Variants in DHRS12 observed in about 807,000 individuals in gnomAD.
DHRS12 encodes the protein dehydrogenase/reductase SDR family member 12.
A neutral mutation model predicts 32.1 loss-of-function variants in DHRS12; 29 were observed. The ratio of observed to expected loss-of-function variants is 0.90; its 90% CI spans 0.67 to 1.23. DHRS12 has a LOEUF of 1.23. DHRS12 is among the 50% of genes most tolerant of loss of function. The pLI is 0.00. For missense variants in DHRS12, 330 were observed against 337.2 expected, an observed-to-expected ratio of 0.98 and a Z score of 0.17; for synonymous variants, 150 against 135.9, an observed-to-expected ratio of 1.10 and a Z score of -0.72.
At position 51,768,518 on chromosome 13, in the gene DHRS12, C is replaced by T. The variant is rs1953855797; in HGVS notation, c.698-222G>A. ...CTGGGAGGCTGCAGCCAGGGCTGGA[C>T]GGGAGACCACGTTTGGGTGATCAGC... On this transcript the variant is annotated intron_variant, in intron 8 of 8. Coordinates refer to ENST00000444610, the MANE Select transcript of DHRS12 (RefSeq NM_001377533.1). 36 of 1,400,980 alleles carry T rather than the reference C, an allele frequency of 2.6e-5. 1 individual carries two copies. The South Asian group carries it at 2.7e-4, about 10-fold the overall frequency. The allele number at this position is 1,400,980 out of a possible 1,614,324, so 86.8% of individuals were successfully genotyped here. A position where few individuals can be genotyped will look rare whatever the true frequency, so the allele number is the denominator to read the frequency against.
chr13:51,797,860 G>A, intron 2 of DHRS12: 1 of 1,535,722 alleles, frequency 6.5e-7, no homozygotes, highest in Non-Finnish European at 8.7e-7. Context: ...CTCACCCCTG[G>A]CATCTTCTGC....
intron 1 of DHRS12, among the ~76,000 whole-genome samples, chr13:51,800,771 C>T (rs1454410481): frequency 6.6e-6 from 1 of 152,238 alleles, no homozygotes; most frequent in East Asian, 1.9e-4. Context: ...TGCCACGGGG[C>T]AGGCATTGCC....
In DHRS12 at chr13:51,768,089, G is replaced by A; in HGVS notation, c.*98C>T. ...CGCTGTGAGGCACAACGTCTTCGAG[G>A]GGAAGTTGAAGTGGGGTCTTCTTAT... is the stretch of plus-strand genomic sequence containing the variant. On this transcript the variant is annotated 3_prime_UTR_variant, in exon 9 of 9. Transcript: ENST00000444610. 2 of 1,497,574 alleles carry A rather than the reference G, an allele frequency of 1.3e-6. No individual in the cohort carries two copies. The highest frequency in any genetic ancestry group is 1.8e-6 in the Non-Finnish European group (2 of 1,128,198). 92.8% of individuals were successfully genotyped at this position (1,497,574 alleles called of 1,614,324 possible). A position where few individuals can be genotyped will look rare whatever the true frequency, so the allele number is the denominator to read the frequency against.
At chr13:51,780,364 G>A (rs1026737312) in intron 4 of DHRS12, among the ~76,000 whole-genome samples, 4 of 152,036 alleles carry the variant, frequency 2.6e-5, no homozygotes, top group Admixed American at 2.0e-4. Context: ...AGGTTTTGAT[G>A]AGAGAAAAAG....
At chr13:51,756,031 C>T in the DHRS12 span, among the ~76,000 whole-genome samples, 2 of 151,422 alleles carry the variant, frequency 1.3e-5, no homozygotes, top group African/African-American at 4.9e-5. Flanking sequence ...TTTAAGATCA[C>T]CTGGCCCCTG....
intron 5 of DHRS12, among the ~76,000 whole-genome samples, chr13:51,775,582 AGTATTCTCCTACAT>A (rs1189633050): frequency 9.2e-3 from 59 of 6,398 alleles, no homozygotes; most frequent in Non-Finnish European, 0.013. Flanking sequence ...ATTCTCCTAC[AGTATTCTCCTACAT>A]GTATTCTCCT....
intron 2 of DHRS12, chr13:51,797,686 C>T: frequency 1.2e-6 from 1 of 839,460 alleles, no homozygotes; most frequent in Admixed American, 2.6e-5. Context: ...GCCCAGCTCC[C>T]TGCTGGCCGA....
chr13:51,793,964 G>A (rs539168181), intron 2 of DHRS12, among the ~76,000 whole-genome samples: 1 of 152,362 alleles, frequency 6.6e-6, no homozygotes, highest in African/African-American at 2.4e-5. Flanking sequence ...AGGGAAGAGA[G>A]AATCACTGTC....
At chr13:51,773,069 T>A in intron 6 of DHRS12, 1 of 985,342 alleles carries the variant, frequency 1.0e-6, no homozygotes, top group Non-Finnish European at 1.2e-6. Flanking sequence ...ACTGTAAATA[T>A]GGAAGTTATA....
intron 1 of DHRS12, among the ~76,000 whole-genome samples, chr13:51,802,287 C>G (rs1251847324): frequency 1.3e-5 from 2 of 152,062 alleles, no homozygotes; most frequent in African/African-American, 4.8e-5. Context: ...AAAGGGCAGT[C>G]CCCAGACAAG....
chr13:51,759,701 A>G, the DHRS12 span: 1 of 1,612,058 alleles, frequency 6.2e-7, no homozygotes, highest in Non-Finnish European at 8.5e-7. Context: ...TCCTCAACAC[A>G]ATTTTAGTTC....
chr13:51,758,120 A>T, the DHRS12 span: 22 of 1,263,738 alleles, frequency 1.7e-5, no homozygotes, highest in Non-Finnish European at 2.1e-5. Context: ...TTAGAGCCTA[A>T]TGTCATCCTA....
intron 4 of DHRS12, among the ~76,000 whole-genome samples, chr13:51,788,520 T>C (rs1216378695): frequency 5.3e-5 from 8 of 152,056 alleles, no homozygotes; most frequent in Non-Finnish European, 1.2e-4. Context: ...TGGACCTTCT[T>C]CCATCTGCCA....
At chr13:51,767,036 A>T (rs1240561185), downstream of DHRS12, 3 of 152,268 alleles carry the variant, frequency 2.0e-5, no homozygotes, top group African/African-American at 7.2e-5. Flanking sequence ...CATGTAAGTC[A>T]GCTTTTTCTT....
At chr13:51,781,680 T>C (rs989204335) in intron 4 of DHRS12, among the ~76,000 whole-genome samples, 5 of 152,134 alleles carry the variant, frequency 3.3e-5, no homozygotes, top group African/African-American at 1.2e-4. Context: ...GAGCACAGCC[T>C]GTGCAAAGAG....
At chr13:51,769,900 T>TA (rs1953934812) in intron 7 of DHRS12, among the ~76,000 whole-genome samples, 1 of 152,214 alleles carries the variant, frequency 6.6e-6, no homozygotes, top group Admixed American at 6.5e-5. Flanking sequence ...TCGGGCACTC[T>TA]ACCTGCCCAC....
chr13:51,799,709 G>A (rs1955665762), intron 1 of DHRS12, 42 bp from the exon 2 acceptor site: 26 of 1,605,378 alleles, frequency 1.6e-5, no homozygotes, highest in Non-Finnish European at 2.2e-5. Flanking sequence ...TGTAAGGAGT[G>A]GGGAACACAA....
intron 2 of DHRS12, among the ~76,000 whole-genome samples, chr13:51,795,679 T>C (rs1348777758): frequency 1.3e-5 from 2 of 152,174 alleles, no homozygotes; most frequent in African/African-American, 4.8e-5. Context: ...GAGAATGCAG[T>C]GTGGCCTGAG....
chr13:51,790,338 G>C (rs111569481), intron 3 of DHRS12, among the ~76,000 whole-genome samples: 5 of 152,172 alleles, frequency 3.3e-5, no homozygotes, highest in African/African-American at 1.2e-4. Flanking sequence ...TAATTCATGA[G>C]AGAGTGCTCT....
Sources: gnomAD v4.1 joint callset for allele counts (sites outside exome capture counted in the v4.1 genomes callset) on GRCh38, gnomAD v4.1.1 for gene constraint, MANE v1.5 for transcripts, NCBI Gene and HGNC (gene_info 2026-07-23, HGNC 2026-07-21) for gene names.